The following FOXP1 variants were observed in gnomAD, a reference collection of about 807,000 sequenced individuals.
The protein encoded by FOXP1 is forkhead box protein P1.
FOXP1 carries 15 observed loss-of-function variants against 98.2 expected under a neutral mutation model. The observed-to-expected ratio is 0.15, with a 90% confidence interval of 0.10 to 0.24. The LOEUF is 0.24. Among genes scored for constraint, FOXP1 ranks in the 10% least tolerant of loss-of-function variants. The pLI is 1.00. For missense variants in FOXP1, 633 were observed against 848.5 expected (o/e 0.75, Z 3.15); for synonymous variants, 371 against 314.5 (o/e 1.18, Z -1.90).
At chr3:71,282,462 C>T (rs1375381741) in intron 5 of FOXP1, among the ~76,000 whole-genome samples, 1 of 151,926 alleles carries the variant, frequency 6.6e-6, no homozygotes, top group African/African-American at 2.4e-5. Context: ...TGTACTGTGC[C>T]AATCATAAAA....
intron 19 of FOXP1, chr3:70,969,432 ACTGAAACTGGGTAAATGGCCT>A (rs1000434349): frequency 2.0e-5 from 3 of 152,202 alleles, no homozygotes; most frequent in Admixed American, 6.5e-5. Context: ...CTGCCTCTAA[ACTGAAACTGGGTAAATGGCCT>A]ATCATCAATT....
At chr3:71,495,376 A>G (rs1418885873) in intron 2 of FOXP1, among the ~76,000 whole-genome samples, 2 of 152,230 alleles carry the variant, frequency 1.3e-5, no homozygotes, top group African/African-American at 4.8e-5. Flanking sequence ...TGTCTTCCCC[A>G]CTAGAATATA....
At chr3:71,406,056 C>G (rs1396288379) in intron 3 of FOXP1, among the ~76,000 whole-genome samples, 2 of 152,084 alleles carry the variant, frequency 1.3e-5, no homozygotes, top group Non-Finnish European at 2.9e-5. Flanking sequence ...TAAAGCTTTT[C>G]ACTCCAACAT....
chr3:71,304,004 G>A (rs1028578915), intron 4 of FOXP1, among the ~76,000 whole-genome samples: 14 of 152,110 alleles, frequency 9.2e-5, no homozygotes, highest in African/African-American at 2.2e-4. Flanking sequence ...AGAAATGTGC[G>A]ACTTTGAATC....
rs189056280 is a variant in FOXP1, at chr3:71,399,127, G to C, written c.-167-39883C>G. 3.7e-4 allele frequency among the ~76,000 whole-genome samples: 57 copies of C among 152,302 alleles called. No homozygotes were observed. In the South Asian group the frequency reaches 4.8e-3, roughly 13 times the overall value. ...ACTTTCTGTGTTAGGAAAGAAACTT[G>C]AATTATTTGGGTTTATGAAATTTAA... On this transcript the variant is annotated intron_variant, in intron 3 of 20. Coordinates refer to ENST00000649528, the MANE Select transcript of FOXP1 (RefSeq NM_001349338.3).
At chr3:71,085,247 A>G (rs968028420) in intron 7 of FOXP1, among the ~76,000 whole-genome samples, 1 of 152,080 alleles carries the variant, frequency 6.6e-6, no homozygotes, top group African/African-American at 2.4e-5. Flanking sequence ...TGGTCAAGCA[A>G]TCCTCCCATG....
intron 3 of FOXP1, among the ~76,000 whole-genome samples, chr3:71,359,809 A>G (rs2078424883): frequency 6.6e-6 from 1 of 152,074 alleles, no homozygotes; most frequent in African/African-American, 2.4e-5. Context: ...TTATTTTTCC[A>G]GACACAGTCT....
intron 5 of FOXP1, among the ~76,000 whole-genome samples, chr3:71,208,662 G>T (rs1286695007): frequency 6.6e-6 from 1 of 151,914 alleles, no homozygotes; most frequent in Non-Finnish European, 1.5e-5. Context: ...GTAAACAAGG[G>T]GCCCAGCATT....
At chr3:71,428,927 C>A (rs998725283) in intron 3 of FOXP1, among the ~76,000 whole-genome samples, 1 of 152,188 alleles carries the variant, frequency 6.6e-6, no homozygotes, top group Non-Finnish European at 1.5e-5. Context: ...CCTGAGGTCC[C>A]GTTCAGCTCG....
intron 3 of FOXP1, among the ~76,000 whole-genome samples, chr3:71,453,471 C>T (rs72961229): frequency 0.041 from 6,228 of 152,184 alleles, 385 homozygotes; most frequent in African/African-American, 0.14. Context: ...AGTGTGATCC[C>T]GGCAGCCCTA....
chr3:70,989,895 T>C (rs1300560954), intron 13 of FOXP1, among the ~76,000 whole-genome samples: 1 of 152,186 alleles, frequency 6.6e-6, no homozygotes, highest in East Asian at 1.9e-4. Context: ...AAAGGAAACA[T>C]CTTCTCCATA....
intron 6 of FOXP1, among the ~76,000 whole-genome samples, chr3:71,176,948 A>T (rs953282182): frequency 6.6e-6 from 1 of 151,936 alleles, no homozygotes; most frequent in East Asian, 1.9e-4. Flanking sequence ...CTGTAGTCCC[A>T]GCTACTAAGG....
intron 5 of FOXP1, among the ~76,000 whole-genome samples, chr3:71,230,547 C>G (rs73108295): frequency 0.038 from 5,762 of 152,272 alleles, 118 homozygotes; most frequent in Admixed American, 0.046. Context: ...CAAAGTGCAA[C>G]TACCATCCAA....
intron 4 of FOXP1, among the ~76,000 whole-genome samples, chr3:71,307,171 G>A (rs1051456169): frequency 1.3e-5 from 2 of 152,202 alleles, no homozygotes; most frequent in African/African-American, 4.8e-5. Flanking sequence ...CAGCAGGGCT[G>A]TGCTATAGGA....
At position 70,977,965 on chromosome 3, in the gene FOXP1, G is replaced by A. The variant is rs2107318050; in HGVS notation, c.1211C>T (p.Pro404Leu). 6.2e-7 allele frequency: 1 copy of A among 1,614,146 alleles called. No homozygotes were observed. The highest frequency in any genetic ancestry group is 8.5e-7 in the Non-Finnish European group (1 of 1,180,016). ...SASEASPQSL[P>L]HTPTTPTAPL... Reference sequence around the variant, plus strand: ...GGCGGTTGGGGTCGTTGGAGTATGAGGTAAGCTCTGTGGAGAAGCCTCCGA... The same window carrying A: ...GGCGGTTGGGGTCGTTGGAGTATGAAGTAAGCTCTGTGGAGAAGCCTCCGA... Residue 404 changes from proline (P) to leucine (L), a missense_variant, in exon 15 of 21, where the codon CCT becomes CTT. This residue lies in a region of FOXP1 where 141 missense variants were observed against 199.5 expected (regional missense o/e 0.71). Coordinates refer to ENST00000649528, the MANE Select transcript of FOXP1 (RefSeq NM_001349338.3).
chr3:71,327,456 C>T (rs1373405414), intron 4 of FOXP1, among the ~76,000 whole-genome samples: 3 of 143,312 alleles, frequency 2.1e-5, no homozygotes, highest in South Asian at 4.6e-4. Flanking sequence ...GGTGCGATCT[C>T]AGCTCACTGC....
At chr3:70,999,142 T>C (rs1286285516) in intron 13 of FOXP1, among the ~76,000 whole-genome samples, 1 of 152,078 alleles carries the variant, frequency 6.6e-6, no homozygotes, top group Non-Finnish European at 1.5e-5. Context: ...CAGGCTGGAG[T>C]GCAGTGGCGC....
At chr3:71,422,870 G>GCA (rs376261519) in intron 3 of FOXP1, among the ~76,000 whole-genome samples, 50 of 151,022 alleles carry the variant, frequency 3.3e-4, no homozygotes, top group Middle Eastern at 6.8e-3. Context: ...ACACAAGCGC[G>GCA]CACACACACA....
chr3:70,987,900 T>C (rs1378653580), intron 14 of FOXP1, 94 bp downstream of exon 14: 6 of 1,123,764 alleles, frequency 5.3e-6, no homozygotes, highest in South Asian at 2.5e-5. Flanking sequence ...TCCACCAAAG[T>C]AGGCTGGTCC....
Sources: gnomAD v4.1 joint callset for allele counts (sites outside exome capture counted in the v4.1 genomes callset) on GRCh38, gnomAD v4.1.1 for gene constraint, gnomAD v4.1.1 regional missense constraint, MANE v1.5 for transcripts, NCBI Gene and HGNC (gene_info 2026-07-23, HGNC 2026-07-21) for gene names.